Variants in GLRB observed in about 807,000 individuals in gnomAD.
GLRB encodes glycine receptor subunit beta.
Under a neutral mutation model 54.2 loss-of-function variants are expected in GLRB, and 33 were observed. That is an observed-to-expected ratio of 0.61 (90% CI 0.46 to 0.81). The LOEUF (loss-of-function observed/expected upper bound fraction) is 0.81, where lower values mean the gene tolerates loss of function less well. GLRB is among the 40% of genes least tolerant of loss of function. GLRB has a pLI of 0.00. For synonymous variants in GLRB, 209 were observed against 208.2 expected (o/e 1.00, Z -0.03); for missense variants, 572 against 584.6 (o/e 0.98, Z 0.22).
rs1334140843 is a variant in GLRB, at chr4:157,152,668, C to A, written c.905-50C>A. On this transcript the variant is annotated intron_variant, in intron 8 of 9. Transcript: ENST00000264428. ...TAGTCAAAGAGTAATGACCCCAGAACATCTCATAGGGATAAAAAGCAACTT... is the reference window on the plus strand; with the variant it reads ...TAGTCAAAGAGTAATGACCCCAGAAAATCTCATAGGGATAAAAAGCAACTT... The A allele has an allele frequency of 3.6e-6, 5 of 1,407,758 alleles. No homozygotes were observed. In the East Asian group the frequency reaches 1.1e-4, roughly 32 times the overall value. The allele number at this position is 1,407,758 out of a possible 1,614,324, so 87.2% of individuals were successfully genotyped here. A position where few individuals can be genotyped will look rare whatever the true frequency, so the allele number is the denominator to read the frequency against.
rs117346553 is a variant in GLRB at position 157,162,511 on chromosome 4, C to T, written c.1198-7921C>T. Reference sequence around the variant, plus strand: ...CTTTGATGATGGTGACATACAGGTGCGGTTTTGGTGTGTATGTCCTTTCTG... The same window carrying T: ...CTTTGATGATGGTGACATACAGGTGTGGTTTTGGTGTGTATGTCCTTTCTG... On this transcript the variant is annotated intron_variant, in intron 9 of 9. Transcript: ENST00000264428. Among the ~76,000 whole-genome samples the T allele has an allele frequency of 6.2e-3, 942 of 152,190 alleles. 22 individuals are homozygous for T. The East Asian group carries it at 0.1, about 16-fold the overall frequency.
At chr4:157,104,718 G>A (rs1456838946) in intron 2 of GLRB, among the ~76,000 whole-genome samples, 2 of 151,888 alleles carry the variant, frequency 1.3e-5, no homozygotes, top group Non-Finnish European at 2.9e-5. Flanking sequence ...TTTGATTACT[G>A]ATTCAATCCC....
chr4:157,128,445 A>G lies in GLRB; in HGVS notation c.297+6048A>G, dbSNP rs543994780. Among the ~76,000 whole-genome samples the G allele has an allele frequency of 1.3e-4, 20 of 151,992 alleles. No homozygotes were observed. The East Asian group carries it at 2.9e-3, about 22-fold the overall frequency. On this transcript the variant is annotated intron_variant, in intron 4 of 9. Coordinates refer to ENST00000264428, the MANE Select transcript of GLRB (RefSeq NM_000824.5). ...AATTTGATTATTGTTATTAGTGGAT[A>G]TGAAAAAAATTAATGGTGTGAATAA...
chr4:157,164,325 G>A (rs1737631976), intron 9 of GLRB, among the ~76,000 whole-genome samples: 1 of 152,164 alleles, frequency 6.6e-6, no homozygotes, highest in Admixed American at 6.5e-5. Flanking sequence ...GGCCAGAAAT[G>A]GAAGGAAGAT....
chr4:157,090,436 G>A (rs903045067), intron 2 of GLRB, among the ~76,000 whole-genome samples: 1 of 152,184 alleles, frequency 6.6e-6, no homozygotes, highest in Non-Finnish European at 1.5e-5. Flanking sequence ...CATTCAGTTT[G>A]TTGTGATATA....
At chr4:157,148,181 T>A (rs987689061) in intron 8 of GLRB, among the ~76,000 whole-genome samples, 2 of 152,188 alleles carry the variant, frequency 1.3e-5, no homozygotes, top group African/African-American at 4.8e-5. Flanking sequence ...GTGTTCGTAG[T>A]ACTCCCTTTT....
chr4:157,098,617 T>C (rs950070248), intron 2 of GLRB, among the ~76,000 whole-genome samples: 2 of 143,010 alleles, frequency 1.4e-5, no homozygotes, highest in South Asian at 2.2e-4. Flanking sequence ...TTTTCTTTTC[T>C]TTTTTTTTGA....
chr4:157,150,616 A>G (rs1560970882), intron 8 of GLRB, among the ~76,000 whole-genome samples: 1 of 152,046 alleles, frequency 6.6e-6, no homozygotes, highest in Non-Finnish European at 1.5e-5. Flanking sequence ...TCTCAGGTGC[A>G]ATGTGCTGTG....
At chr4:157,135,790 G>A (rs1736376883) in intron 4 of GLRB, among the ~76,000 whole-genome samples, 1 of 152,146 alleles carries the variant, frequency 6.6e-6, no homozygotes, top group Non-Finnish European at 1.5e-5. Flanking sequence ...TATATTGAGT[G>A]TTCAAAATAA....
At chr4:157,087,325 AG>A (rs1734447497) in intron 2 of GLRB, among the ~76,000 whole-genome samples, 3 of 152,134 alleles carry the variant, frequency 2.0e-5, no homozygotes, top group Non-Finnish European at 4.4e-5. Flanking sequence ...TATCTCCTTT[AG>A]CACTTTTGCT....
chr4:157,114,378 A>T (rs1478689344), intron 2 of GLRB, among the ~76,000 whole-genome samples: 2 of 150,532 alleles, frequency 1.3e-5, no homozygotes, highest in Admixed American at 6.7e-5. Context: ...ATTTTAGAAT[A>T]GCTTTATAGA....
At chr4:157,140,760 T>G (rs1736577636) in intron 7 of GLRB, among the ~76,000 whole-genome samples, 1 of 151,920 alleles carries the variant, frequency 6.6e-6, no homozygotes, top group African/African-American at 2.4e-5. Context: ...GTTACCCACA[T>G]CCAGATTATA....
At chr4:157,130,897 A>G (rs1319997911) in intron 4 of GLRB, among the ~76,000 whole-genome samples, 1 of 151,746 alleles carries the variant, frequency 6.6e-6, no homozygotes, top group African/African-American at 2.4e-5. Flanking sequence ...TAATAAGGGA[A>G]CCAACAGCAT....
chr4:157,150,225 G>T (rs977673067), intron 8 of GLRB, among the ~76,000 whole-genome samples: 3 of 151,924 alleles, frequency 2.0e-5, no homozygotes, highest in African/African-American at 7.2e-5. Context: ...AGCATTATTT[G>T]CTCAGATTTC....
intron 9 of GLRB, among the ~76,000 whole-genome samples, chr4:157,156,132 G>A (rs1245920695): frequency 6.6e-6 from 1 of 152,152 alleles, no homozygotes; most frequent in Non-Finnish European, 1.5e-5. Flanking sequence ...CTAATTCTGT[G>A]AAAAATGATG....
intron 2 of GLRB, among the ~76,000 whole-genome samples, chr4:157,114,426 C>G (rs1735532477): frequency 6.6e-6 from 1 of 151,360 alleles, no homozygotes. Flanking sequence ...AGAGAGTTCC[C>G]AAATACCCTG....
At chr4:157,109,484 T>A (rs1192156474) in intron 2 of GLRB, among the ~76,000 whole-genome samples, 1 of 152,002 alleles carries the variant, frequency 6.6e-6, no homozygotes, top group African/African-American at 2.4e-5. Context: ...AGTAGAATAC[T>A]TCTGACAACA....
chr4:157,138,295 C>T (rs1361994972), intron 6 of GLRB, among the ~76,000 whole-genome samples: 2 of 152,028 alleles, frequency 1.3e-5, no homozygotes, highest in Admixed American at 1.3e-4. Flanking sequence ...AGGCTGGTCT[C>T]GAACTCCTGA....
chr4:157,145,445 T>G (rs538119990), intron 8 of GLRB, among the ~76,000 whole-genome samples: 1 of 152,346 alleles, frequency 6.6e-6, no homozygotes, highest in Non-Finnish European at 1.5e-5. Flanking sequence ...TGAAAGCCTA[T>G]ATTACACATT....
Sources: allele counts gnomAD v4.1 joint callset (sites outside exome capture counted in the v4.1 genomes callset), GRCh38; gene constraint gnomAD v4.1.1; transcripts MANE v1.5; gene names NCBI Gene and HGNC (gene_info 2026-07-23, HGNC 2026-07-21).